MYOF: variants seen among roughly 807,000 people sequenced by gnomAD.
MYOF encodes myoferlin.
MYOF carries 244 observed loss-of-function variants against 284.2 expected under a neutral mutation model. That is an observed-to-expected ratio of 0.86 (90% CI 0.77 to 0.95). The LOEUF (loss-of-function observed/expected upper bound fraction) is 0.95. Among genes scored for constraint, MYOF ranks in the 40% least tolerant of loss-of-function variants. The pLI is 0.00. For synonymous variants in MYOF, 904 were observed against 919.7 expected (o/e 0.98, Z 0.31); for missense variants, 2,496 against 2,560.6 (o/e 0.97, Z 0.54).
intron 5 of MYOF, among the ~76,000 whole-genome samples, chr10:93,414,158 T>C (rs1024740788): frequency 6.0e-5 from 9 of 151,170 alleles, no homozygotes; most frequent in Non-Finnish European, 1.5e-5. Context: ...ATCCTGAGCA[T>C]GCCCTGCCTG....
At chr10:93,402,564 T>C (rs1280001023) in intron 10 of MYOF, among the ~76,000 whole-genome samples, 33 of 151,486 alleles carry the variant, frequency 2.2e-4, no homozygotes, top group Non-Finnish European at 1.3e-4. Flanking sequence ...CAAGACTCTC[T>C]AAGTTGTACC....
intron 1 of MYOF, among the ~76,000 whole-genome samples, chr10:93,461,233 C>G (rs138192298): frequency 5.3e-5 from 8 of 152,234 alleles, no homozygotes; most frequent in Non-Finnish European, 1.2e-4. Context: ...AGAGACCTCA[C>G]AGCTCAGCCC....
intron 48 of MYOF, among the ~76,000 whole-genome samples, chr10:93,321,266 A>C (rs1842828004): frequency 6.6e-6 from 1 of 152,166 alleles, no homozygotes; most frequent in Admixed American, 6.6e-5. Context: ...GCCTCAAAGA[A>C]CCACAGAGAT....
intron 3 of MYOF, among the ~76,000 whole-genome samples, chr10:93,442,727 A>G (rs935355114): frequency 1.4e-4 from 22 of 152,234 alleles, no homozygotes; most frequent in Non-Finnish European, 2.4e-4. Context: ...AAATTCTGAG[A>G]CAGATAATTA....
chr10:93,375,082 T>G, intron 22 of MYOF, 127 bp from the exon 23 acceptor site: 1 of 913,212 alleles, frequency 1.1e-6, no homozygotes, highest in Non-Finnish European at 1.6e-6. Flanking sequence ...TAACTGAATC[T>G]ACAAGCACTG....
At chr10:93,465,317 C>T (rs992421862) in intron 1 of MYOF, among the ~76,000 whole-genome samples, 7 of 152,018 alleles carry the variant, frequency 4.6e-5, no homozygotes, top group African/African-American at 1.7e-4. Context: ...TATTGTTATT[C>T]CCCCCACAAC....
intron 16 of MYOF, among the ~76,000 whole-genome samples, chr10:93,395,438 A>G (rs982953294): frequency 3.9e-5 from 6 of 152,168 alleles, no homozygotes; most frequent in African/African-American, 1.4e-4. Context: ...GCGAGACTCT[A>G]TCTCAAAAAA....
In MYOF at chr10:93,316,794, T is replaced by A; in HGVS notation, c.5618A>T (p.Asp1873Val). The change falls in exon 50 of 54, where the codon GAC becomes GTC. Residue 1873 changes from aspartate (D) to valine (V), a missense_variant. Transcript: ENST00000359263. Reference protein sequence around the residue: ...VAKKEHFWSIDQTEFRIPPRL... With the variant: ...VAKKEHFWSIVQTEFRIPPRL... ...GGGTGGGATTCGAAATTCCGTTTGGTCAATACTCCAGAAATGCTCCTAAAA... is the reference window on the plus strand; with the variant it reads ...GGGTGGGATTCGAAATTCCGTTTGGACAATACTCCAGAAATGCTCCTAAAA... 1 of 1,613,644 alleles carries A rather than the reference T, an allele frequency of 6.2e-7. No individual in the cohort carries two copies. Among genetic ancestry groups the A allele is most frequent in the South Asian group, 1.1e-5 (1 of 91,054 alleles).
intron 5 of MYOF, 139 bp from the exon 6 acceptor site, chr10:93,409,878 G>A: frequency 2.9e-6 from 3 of 1,036,700 alleles, no homozygotes; most frequent in South Asian, 3.0e-5. Flanking sequence ...GATCCTCTTG[G>A]TGACACTGAC....
At chr10:93,347,862 C>G in intron 36 of MYOF, 80 bp from the exon 37 acceptor site, 1 of 1,401,068 alleles carries the variant, frequency 7.1e-7, no homozygotes, top group South Asian at 1.3e-5. Context: ...ATGGACCAGT[C>G]CAGATTCTCT....
At chr10:93,455,134 A>G (rs1215481123) in intron 2 of MYOF, among the ~76,000 whole-genome samples, 2 of 151,820 alleles carry the variant, frequency 1.3e-5, no homozygotes, top group Non-Finnish European at 2.9e-5. Context: ...TACTAAAAAT[A>G]CAAAATTAGC....
rs58503520 is a variant in MYOF at position 93,428,566 on chromosome 10, AACACACACACACACACAC to A, written c.346-2426_346-2409del. 1.5e-3 allele frequency among the ~76,000 whole-genome samples: 222 copies of A among 143,920 alleles called. 1 individual carries two copies. The highest frequency in any genetic ancestry group is 4.2e-3 in the African/African-American group (161 of 38,516). The allele number at this position is 143,920 out of a possible 152,430, so 94.4% of individuals were successfully genotyped here. On this transcript the variant is annotated intron_variant, in intron 4 of 53. Transcript: ENST00000359263. ...TTTGCCACTTTTCCTACATCTGGTA[AACACACACACACACACAC>A]ACACACACACACACACACACACACA... is the stretch of plus-strand genomic sequence containing the variant.
In MYOF at chr10:93,364,063, C is replaced by A. The variant is rs371075702; in HGVS notation, c.2766G>T (p.Glu922Asp). ...TGAACTCCGTGTGACCTGCATCTGC[C>A]TCAGTCAGCAAGCTGTGGGGCGGGG... ...IVDPERSLLTEADAGHTEFTD... is the reference protein window; with the variant it reads ...IVDPERSLLTDADAGHTEFTD... The change falls in exon 27 of 54, where the codon GAG becomes GAT. Residue 922 changes from glutamate (E) to aspartate (D), a missense_variant. Glu to Asp is a conservative substitution (Grantham distance 45). This residue lies in a region of MYOF where 2,436 missense variants were observed against 2,480.7 expected (regional missense o/e 0.98). Transcript: ENST00000359263. 1.9e-6 allele frequency: 3 copies of A among 1,614,106 alleles called. No homozygotes were observed. The highest frequency in any genetic ancestry group is 1.1e-5 in the South Asian group (1 of 91,082).
chr10:93,416,509 C>G (rs1395643590), intron 5 of MYOF, among the ~76,000 whole-genome samples: 2 of 151,662 alleles, frequency 1.3e-5, no homozygotes, highest in African/African-American at 2.4e-5. Flanking sequence ...GGCAACAGAG[C>G]GAGACTCCAT....
intron 49 of MYOF, among the ~76,000 whole-genome samples, chr10:93,317,237 C>G (rs1320500691): frequency 1.0e-5 from 1 of 99,382 alleles, no homozygotes; most frequent in African/African-American, 4.2e-5. Context: ...ACACAGATGT[C>G]TGAGTATGCT....
In MYOF at chr10:93,318,153, CT is replaced by C. The variant is rs768482587; in HGVS notation, c.5599-1341del. Among the ~76,000 whole-genome samples, 49 of 152,280 alleles carry C rather than the reference CT, an allele frequency of 3.2e-4. 1 individual carries two copies. The highest frequency in any genetic ancestry group is 2.9e-4 in the Non-Finnish European group (20 of 68,012). ...TTGATATCACATTGAGCTTCTGTGC[CT>C]CTTAAAAGTCCCCTTTGTCACTTTG... On this transcript the variant is annotated intron_variant, in intron 49 of 53. Transcript: ENST00000359263.
At chr10:93,425,341 G>A (rs1217776663) in intron 5 of MYOF, among the ~76,000 whole-genome samples, 4 of 152,026 alleles carry the variant, frequency 2.6e-5, no homozygotes, top group African/African-American at 2.4e-5. Flanking sequence ...TGCATCTTAC[G>A]GCTGAGGAAG....
chr10:93,409,206 C>T (rs917659737), intron 6 of MYOF, among the ~76,000 whole-genome samples: 2 of 152,192 alleles, frequency 1.3e-5, no homozygotes, highest in African/African-American at 4.8e-5. Flanking sequence ...TCCAGTCATG[C>T]ACCTGGTCTT....
At chr10:93,462,894 C>T (rs1330019909) in intron 1 of MYOF, among the ~76,000 whole-genome samples, 1 of 152,088 alleles carries the variant, frequency 6.6e-6, no homozygotes, top group Non-Finnish European at 1.5e-5. Flanking sequence ...ACTCCCTCCC[C>T]TTTCTCCACA....
Sources: allele counts gnomAD v4.1 joint callset (sites outside exome capture counted in the v4.1 genomes callset), GRCh38; gene constraint gnomAD v4.1.1; regional missense constraint gnomAD v4.1.1; transcripts MANE v1.5; gene names NCBI Gene and HGNC (gene_info 2026-07-23, HGNC 2026-07-21).